The following ATXN7L1 variants were observed in gnomAD, a reference collection of about 807,000 sequenced individuals.
The protein encoded by ATXN7L1 is ataxin 7 like 1.
Under a neutral mutation model 70.8 loss-of-function variants are expected in ATXN7L1, and 15 were observed. The observed-to-expected ratio is 0.21, with a 90% CI of 0.14 to 0.33. ATXN7L1 has a LOEUF of 0.33. ATXN7L1 is among the 10% of genes least tolerant of loss of function. The pLI is 1.00. For missense variants in ATXN7L1, 975 were observed against 1,097.1 expected, an observed-to-expected ratio of 0.89 and a Z score of 1.57; for synonymous variants, 440 against 445.1, an observed-to-expected ratio of 0.99 and a Z score of 0.14.
intron 7 of ATXN7L1, among the ~76,000 whole-genome samples, chr7:105,636,578 A>T (rs1164925527): frequency 6.6e-6 from 1 of 152,102 alleles, no homozygotes; most frequent in Non-Finnish European, 1.5e-5. Flanking sequence ...CTGAAAATTA[A>T]ACCCAAAAGG....
intron 2 of ATXN7L1, among the ~76,000 whole-genome samples, chr7:105,793,055 G>A (rs1485507260): frequency 2.6e-5 from 4 of 152,222 alleles, no homozygotes; most frequent in Non-Finnish European, 5.9e-5. Context: ...AGTAGCATGA[G>A]ATTCCCGGAT....
intron 3 of ATXN7L1, among the ~76,000 whole-genome samples, chr7:105,692,437 C>CTT (rs1791117426): frequency 7.0e-6 from 1 of 143,444 alleles, no homozygotes; most frequent in African/African-American, 2.6e-5. Flanking sequence ...TCCCTCCCTC[C>CTT]CTCCCTCCCT....
intron 3 of ATXN7L1, among the ~76,000 whole-genome samples, chr7:105,695,758 T>G (rs1346957138): frequency 6.6e-6 from 1 of 152,208 alleles, no homozygotes; most frequent in Non-Finnish European, 1.5e-5. Context: ...TTGGACCAAA[T>G]GTAGGTTTCC....
intron 3 of ATXN7L1, among the ~76,000 whole-genome samples, chr7:105,720,130 G>C (rs2116297556): frequency 6.6e-6 from 1 of 152,324 alleles, no homozygotes; most frequent in South Asian, 2.1e-4. Flanking sequence ...TAGGAAGCCT[G>C]AAATCTTGAT....
intron 3 of ATXN7L1, among the ~76,000 whole-genome samples, chr7:105,771,529 A>C (rs1021705845): frequency 2.6e-5 from 4 of 152,210 alleles, no homozygotes; most frequent in Non-Finnish European, 5.9e-5. Context: ...GTATCACTTG[A>C]ACTTGAGATG....
At chr7:105,873,676 A>G (rs2116684870) in intron 2 of ATXN7L1, among the ~76,000 whole-genome samples, 1 of 152,366 alleles carries the variant, frequency 6.6e-6, no homozygotes, top group African/African-American at 2.4e-5. Flanking sequence ...TGGTGAAGTT[A>G]GCAATTTCAA....
intron 3 of ATXN7L1, chr7:105,787,995 T>C (rs568298975): frequency 6.6e-5 from 10 of 152,450 alleles, no homozygotes; most frequent in African/African-American, 2.4e-4. Context: ...GTGGACTTTA[T>C]CTGTTCTGTC....
At chr7:105,788,950 C>G (rs548366683) in intron 2 of ATXN7L1, among the ~76,000 whole-genome samples, 13 of 152,354 alleles carry the variant, frequency 8.5e-5, no homozygotes, top group Admixed American at 1.3e-4. Flanking sequence ...GCTCCTGATT[C>G]AGTCTGTGGT....
At chr7:105,727,643 T>C (rs1377241626) in intron 3 of ATXN7L1, among the ~76,000 whole-genome samples, 2 of 132,054 alleles carry the variant, frequency 1.5e-5, no homozygotes, top group African/African-American at 2.9e-5. Flanking sequence ...CACTCCAGCC[T>C]GGGCGACAAG....
chr7:105,874,303 A>T (rs1818710317), intron 2 of ATXN7L1, among the ~76,000 whole-genome samples: 3 of 152,148 alleles, frequency 2.0e-5, no homozygotes, highest in African/African-American at 7.2e-5. Context: ...ACCTTTACTC[A>T]ACTTTAATTT....
intron 3 of ATXN7L1, among the ~76,000 whole-genome samples, chr7:105,701,451 CTTA>C (rs1452129358): frequency 6.6e-6 from 1 of 152,132 alleles, no homozygotes; most frequent in African/African-American, 2.4e-5. Flanking sequence ...CATGGAAATA[CTTA>C]TTTTCTTATT....
chr7:105,647,232 C>T (rs1799178898), intron 4 of ATXN7L1, among the ~76,000 whole-genome samples: 1 of 152,206 alleles, frequency 6.6e-6, no homozygotes, highest in African/African-American at 2.4e-5. Context: ...TACGAGTTAA[C>T]ATAACGCCTC....
intron 4 of ATXN7L1, among the ~76,000 whole-genome samples, chr7:105,662,260 G>A (rs916446003): frequency 8.6e-5 from 13 of 151,774 alleles, no homozygotes; most frequent in Non-Finnish European, 1.2e-4. Flanking sequence ...GTGCCACCAC[G>A]CCTGGCTAAT....
At chr7:105,728,119 A>G (rs907437036) in intron 3 of ATXN7L1, among the ~76,000 whole-genome samples, 1 of 152,112 alleles carries the variant, frequency 6.6e-6, no homozygotes, top group Non-Finnish European at 1.5e-5. Context: ...ATTAAAAGGT[A>G]TTTCCTTAGA....
intron 3 of ATXN7L1, among the ~76,000 whole-genome samples, chr7:105,781,303 T>C (rs1203358510): frequency 6.6e-6 from 1 of 152,188 alleles, no homozygotes; most frequent in Admixed American, 6.5e-5. Context: ...ACCATAAACG[T>C]TCACCCCAAT....
At chr7:105,871,426 T>G (rs532825911) in intron 2 of ATXN7L1, among the ~76,000 whole-genome samples, 37 of 152,222 alleles carry the variant, frequency 2.4e-4, no homozygotes, top group Non-Finnish European at 2.5e-4. Context: ...TCAAAAGTAT[T>G]TGGGGCCAGG....
At chr7:105,711,882 C>T (rs1397404539) in intron 3 of ATXN7L1, among the ~76,000 whole-genome samples, 1 of 152,252 alleles carries the variant, frequency 6.6e-6, no homozygotes, top group Non-Finnish European at 1.5e-5. Flanking sequence ...TCTGCACTGC[C>T]CTAGTAGAGG....
chr7:105,609,531 C>A (rs1392302893), intron 11 of ATXN7L1, among the ~76,000 whole-genome samples: 2 of 151,942 alleles, frequency 1.3e-5, no homozygotes, highest in African/African-American at 4.8e-5. Context: ...AAGGTGCAAT[C>A]ACAGCTCACT....
intron 4 of ATXN7L1, among the ~76,000 whole-genome samples, chr7:105,660,734 C>T (rs549187612): frequency 6.6e-6 from 1 of 152,094 alleles, no homozygotes; most frequent in Non-Finnish European, 1.5e-5. Context: ...AGGTGCGCAC[C>T]ACCACACCCA....
Sources: allele counts gnomAD v4.1 joint callset (sites outside exome capture counted in the v4.1 genomes callset), GRCh38; gene constraint gnomAD v4.1.1; transcripts MANE v1.5; gene names NCBI Gene and HGNC (gene_info 2026-07-23, HGNC 2026-07-21).